Variants in ZNF81 observed in about 807,000 individuals in gnomAD.
The protein encoded by ZNF81 is zinc finger protein 81 (HFZ20).
A neutral mutation model predicts 32.3 loss-of-function variants in ZNF81; 5 were observed. The ratio of observed to expected loss-of-function variants is 0.15; its 90% CI spans 0.08 to 0.33. The LOEUF (loss-of-function observed/expected upper bound fraction) is 0.33, where lower values mean the gene tolerates loss of function less well. Among genes scored for constraint, ZNF81 ranks in the 10% least tolerant of loss-of-function variants. The probability of loss-of-function intolerance (pLI) is 1.00; values close to 1 mark genes in which losing one functional copy is unlikely to be tolerated. For synonymous variants in ZNF81, 163 were observed against 166.8 expected (o/e 0.98, Z 0.17); for missense variants, 379 against 479.8 (o/e 0.79, Z 1.96).
Position 47,918,792 on chromosome X carries a change from G to A in ZNF81, c.*2160G>A, listed in dbSNP as rs1405141003. 1 of 117,690 alleles carries A rather than the reference G, an allele frequency of 8.5e-6. No individual in the cohort carries two copies. Among genetic ancestry groups the A allele is most frequent in the Admixed American group, 8.8e-5 (1 of 11,404 alleles). 9.7% of individuals were successfully genotyped at this position (117,690 alleles called of 1,213,427 possible). On this transcript the variant is annotated 3_prime_UTR_variant, in exon 5 of 5. Coordinates refer to ENST00000338637, the MANE Select transcript of ZNF81 (RefSeq NM_007137.5). ...CCAGGGAGAACTGTGCCCTAATCAA[G>A]AAACGTATCTGCCCCTGGAGCCAAG...
In ZNF81 at chrX:47,914,337, A is replaced by C. The variant is rs189229512; in HGVS notation, c.278-587A>C. On this transcript the variant is annotated intron_variant, in intron 4 of 4. Transcript: ENST00000338637. The stretch of plus-strand genomic sequence containing the variant: ...ACCTCTGAAAGGATTAAATGAATTC[A>C]TATGTACAGTCATGTACCACATAAT... 1.2e-4 allele frequency among the ~76,000 whole-genome samples: 13 copies of C among 112,274 alleles called. No individual in the cohort carries two copies. In the East Asian group the frequency reaches 3.6e-3, roughly 31 times the overall value.
intron 2 of ZNF81, among the ~76,000 whole-genome samples, chrX:47,849,110 A>G (rs185299056): frequency 8.9e-6 from 1 of 112,378 alleles, no homozygotes; most frequent in East Asian, 2.8e-4. Flanking sequence ...GCTGCTAGGA[A>G]CATTCTTCAT....
intron 2 of ZNF81, among the ~76,000 whole-genome samples, chrX:47,849,919 A>G (rs1445617995): frequency 1.8e-5 from 2 of 111,893 alleles, no homozygotes; most frequent in African/African-American, 6.5e-5. Flanking sequence ...TTAAACCACA[A>G]TGTAATACAA....
In ZNF81 at chrX:47,916,476, T is replaced by C; in HGVS notation, c.1830T>C (p.Tyr610=). ...HQRIHTGEKP[Y]ICAECGKAFT... ...GAATTCACACAGGGGAGAAACCATA[T>C]ATATGTGCAGAATGTGGGAAAGCCT... The change falls in exon 5 of 5, where the codon TAT becomes TAC. Residue 610 remains tyrosine, a synonymous_variant. Transcript: ENST00000338637. The C allele has an allele frequency of 8.3e-7, 1 of 1,211,227 alleles. No homozygotes were observed. Among genetic ancestry groups the C allele is most frequent in the Non-Finnish European group, 1.1e-6 (1 of 895,289 alleles).
intron 4 of ZNF81, among the ~76,000 whole-genome samples, chrX:47,898,741 A>T (rs942863080): frequency 8.9e-6 from 1 of 111,990 alleles, no homozygotes; most frequent in Non-Finnish European, 1.9e-5. Flanking sequence ...CTTTAATTTC[A>T]TTTAGCAGAA....
rs1464103827 is a variant in ZNF81, at chrX:47,918,219, G to A, written c.*1587G>A. ...AAATATGGAAAAGCCAAGGATTGCT[G>A]GGTTGAAAAATAATGCTTTCACATC... is the stretch of plus-strand genomic sequence containing the variant. On this transcript the variant is annotated 3_prime_UTR_variant, in exon 5 of 5. Coordinates refer to ENST00000338637, the MANE Select transcript of ZNF81 (RefSeq NM_007137.5). The A allele has an allele frequency of 9.0e-6, 1 of 111,398 alleles. No homozygotes were observed. Among genetic ancestry groups the A allele is most frequent in the Non-Finnish European group, 1.9e-5 (1 of 53,120 alleles). The allele number at this position is 111,398 out of a possible 1,213,427, so 9.2% of individuals were successfully genotyped here.
At chrX:47,902,334 T>C (rs1205411948) in intron 4 of ZNF81, among the ~76,000 whole-genome samples, 2 of 111,944 alleles carry the variant, frequency 1.8e-5, no homozygotes, top group African/African-American at 6.5e-5. Flanking sequence ...AAAGGAGAAG[T>C]AGACAAAATG....
intron 2 of ZNF81, among the ~76,000 whole-genome samples, chrX:47,860,206 C>T (rs186500608): frequency 7.1e-5 from 7 of 98,844 alleles, no homozygotes; most frequent in South Asian, 9.9e-4. Flanking sequence ...GATGGAATCT[C>T]GCTGTATTGC....
At chrX:47,840,916 T>C in intron 1 of ZNF81, 2 of 461,994 alleles carry the variant, frequency 4.3e-6, no homozygotes, top group Non-Finnish European at 7.6e-6. Flanking sequence ...TAAAAACACA[T>C]GCTTCCACTT....
At chrX:47,840,659 C>T (rs1222514754) in intron 1 of ZNF81, among the ~76,000 whole-genome samples, 1 of 110,671 alleles carries the variant, frequency 9.0e-6, no homozygotes, top group East Asian at 2.8e-4. Context: ...AGGCATGCGC[C>T]ACCATGCCCG....
intron 4 of ZNF81, among the ~76,000 whole-genome samples, chrX:47,913,530 G>T (rs1047988737): frequency 9.0e-6 from 1 of 111,387 alleles, no homozygotes; most frequent in Non-Finnish European, 1.9e-5. Flanking sequence ...ATAAAGAAAA[G>T]AAAAATATGG....
At position 47,916,350 on chromosome X, in the gene ZNF81, G is replaced by A. The variant is rs1345451687; in HGVS notation, c.1704G>A (p.Glu568=). Residue 568 remains glutamate (E), a synonymous_variant, in exon 5 of 5, where the codon GAG becomes GAA. Coordinates refer to ENST00000338637, the MANE Select transcript of ZNF81 (RefSeq NM_007137.5). The part of the protein sequence containing the change: ...DCGRAFIQKS[E]LITHQRIHTT... The stretch of plus-strand genomic sequence containing the variant: ...GGAGGGCCTTCATCCAGAAGTCAGA[G>A]TTGATTACACATCAGAGAATTCATA... 3.3e-6 allele frequency: 4 copies of A among 1,209,859 alleles called. No individual in the cohort carries two copies. Among genetic ancestry groups the A allele is most frequent in the Non-Finnish European group, 4.5e-6 (4 of 895,247 alleles).
chrX:47,842,307 G>A (rs2058452887), intron 1 of ZNF81, among the ~76,000 whole-genome samples: 1 of 111,772 alleles, frequency 8.9e-6, no homozygotes, highest in Admixed American at 9.5e-5. Flanking sequence ...CTTCAAAAAG[G>A]TTTTCTGTTC....
In ZNF81 at chrX:47,895,849, C is replaced by T. The variant is rs1333973733; in HGVS notation, c.186C>T (p.Phe62=). 4 of 1,205,612 alleles carry T rather than the reference C, an allele frequency of 3.3e-6. No homozygotes were observed. Among genetic ancestry groups the T allele is most frequent in the Non-Finnish European group, 2.2e-6 (2 of 890,405 alleles). ...TCTATCGTGTCCTGTTAACAGGGTT[C>T]GAAGTTCCTAAACCAGAGGTCATCT... ...ENYSHLLSVG[F]EVPKPEVIFK... Residue 62 remains phenylalanine (F), a synonymous_variant, in exon 4 of 5, where the codon TTC becomes TTT. Coordinates refer to ENST00000338637, the MANE Select transcript of ZNF81 (RefSeq NM_007137.5).
intron 4 of ZNF81, among the ~76,000 whole-genome samples, chrX:47,898,490 A>G (rs2058687502): frequency 8.9e-6 from 1 of 112,102 alleles, no homozygotes; most frequent in African/African-American, 3.2e-5. Context: ...TTTTTACAGT[A>G]AATCTTCAAT....
intron 2 of ZNF81, among the ~76,000 whole-genome samples, chrX:47,886,155 A>G (rs1462665015): frequency 1.8e-5 from 2 of 112,517 alleles, no homozygotes; most frequent in African/African-American, 6.5e-5. Flanking sequence ...TAATTCTAGC[A>G]TCTGGATCAC....
At chrX:47,902,777 C>T (rs1371303467) in intron 4 of ZNF81, among the ~76,000 whole-genome samples, 1 of 111,627 alleles carries the variant, frequency 9.0e-6, no homozygotes, top group African/African-American at 3.3e-5. Context: ...CTTGTGGGGC[C>T]GGGCGCAGTG....
chrX:47,846,127 T>C lies in ZNF81; in HGVS notation c.-141T>C. On this transcript the variant is annotated 5_prime_UTR_variant, in exon 2 of 5. Transcript: ENST00000338637. ...CAGAGTTCTTGGAGTCTCTGCGGAGTCCCTGGGCCAGATCTCACAGTGAAA... is the reference window on the plus strand; with the variant it reads ...CAGAGTTCTTGGAGTCTCTGCGGAGCCCCTGGGCCAGATCTCACAGTGAAA... The C allele has an allele frequency of 1.5e-6, 1 of 680,061 alleles. No homozygotes were observed. The highest frequency in any genetic ancestry group is 2.3e-6 in the Non-Finnish European group (1 of 435,923). The allele number at this position is 680,061 out of a possible 1,213,427, so 56.0% of individuals were successfully genotyped here. A position where few individuals can be genotyped will look rare whatever the true frequency, so the allele number is the denominator to read the frequency against.
In ZNF81 at chrX:47,911,444, C is replaced by T. The variant is rs1055318849; in HGVS notation, c.278-3480C>T. 5.2e-5 allele frequency among the ~76,000 whole-genome samples: 5 copies of T among 95,463 alleles called. No individual in the cohort carries two copies. In the East Asian group the frequency reaches 1.4e-3, roughly 27 times the overall value. 82.9% of individuals were successfully genotyped at this position (95,463 alleles called of 115,157 possible). A position where few individuals can be genotyped will look rare whatever the true frequency, so the allele number is the denominator to read the frequency against. ...CTTCCCTATTTCTGTTTCCCCATGTCCCAGATGCTTTTGCCCCCAGTAATT... is the reference window on the plus strand; with the variant it reads ...CTTCCCTATTTCTGTTTCCCCATGTTCCAGATGCTTTTGCCCCCAGTAATT... On this transcript the variant is annotated intron_variant, in intron 4 of 4. Coordinates refer to ENST00000338637, the MANE Select transcript of ZNF81 (RefSeq NM_007137.5).
Sources: gnomAD v4.1 joint callset for allele counts (sites outside exome capture counted in the v4.1 genomes callset) on GRCh38, gnomAD v4.1.1 for gene constraint, MANE v1.5 for transcripts, NCBI Gene and HGNC (gene_info 2026-07-23, HGNC 2026-07-21) for gene names.